PFKFB3: variants seen among roughly 807,000 people sequenced by gnomAD.
PFKFB3 encodes 6-phosphofructo-2-kinase/fructose-2,6-biphosphatase 3.
A neutral mutation model predicts 68.0 loss-of-function variants in PFKFB3; 33 were observed. The ratio of observed to expected loss-of-function variants is 0.49; its 90% CI spans 0.37 to 0.65. The LOEUF is 0.65. Ranked by LOEUF, PFKFB3 falls within the 30% of genes least tolerant of loss-of-function variation. The pLI, the probability that PFKFB3 is intolerant of heterozygous loss-of-function variation, is 0.00. For synonymous variants in PFKFB3, 315 were observed against 288.2 expected, an observed-to-expected ratio of 1.09 and a Z score of -0.94; for missense variants, 586 against 712.2, an observed-to-expected ratio of 0.82 and a Z score of 2.02.
At chr10:6,231,855 ACCT>A (rs1428028644) in intron 14 of PFKFB3, among the ~76,000 whole-genome samples, 1 of 144,692 alleles carries the variant, frequency 6.9e-6, no homozygotes, top group African/African-American at 2.6e-5. Context: ...GGCACCCATC[ACCT>A]CCTGGCGGGC....
chr10:6,267,326 C>T, the PFKFB3 span, among the ~76,000 whole-genome samples: 4 of 152,224 alleles, frequency 2.6e-5, no homozygotes, highest in East Asian at 1.9e-4. Context: ...CCTGGACGTA[C>T]GTACTAATGA....
In PFKFB3 at chr10:6,229,697, G is replaced by T. The variant is rs557685875; in HGVS notation, c.1516-3198G>T. 3.9e-4 allele frequency among the ~76,000 whole-genome samples: 59 copies of T among 152,276 alleles called. No individual in the cohort carries two copies. The highest frequency in any genetic ancestry group is 3.9e-3 in the Admixed American group (59 of 15,290). Reference sequence around the variant, plus strand: ...CCTTGTGTGAAACTTTTTGGACTTGGAGCCTGAAGGTTTTACATCTGTGCA... The same window carrying T: ...CCTTGTGTGAAACTTTTTGGACTTGTAGCCTGAAGGTTTTACATCTGTGCA... On this transcript the variant is annotated intron_variant, in intron 14 of 14. Coordinates refer to ENST00000379775, the MANE Select transcript of PFKFB3 (RefSeq NM_004566.4). The surrounding 1 kb of genome is among the most constrained non-coding windows in gnomAD (Gnocchi z 4.3).
In PFKFB3 at chr10:6,206,398, CCCCT is replaced by C. The variant is rs1464301917; in HGVS notation, c.76+3063_76+3066del. Among the ~76,000 whole-genome samples, 313 of 128,926 alleles carry C rather than the reference CCCCT, an allele frequency of 2.4e-3. 3 individuals are homozygous for C. Among genetic ancestry groups the C allele is most frequent in the South Asian group, 4.9e-3 (19 of 3,880 alleles). 84.6% of individuals were successfully genotyped at this position (128,926 alleles called of 152,430 possible). ...CATCCGATTTCTCAATCTTTCCCCG[CCCCT>C]TTCCCCCCTTTCTATTCCACAAAAC... On this transcript the variant is annotated intron_variant, in intron 1 of 14. Transcript: ENST00000379775.
chr10:6,302,100 G>T, the PFKFB3 span, among the ~76,000 whole-genome samples: 11 of 151,374 alleles, frequency 7.3e-5, no homozygotes, highest in South Asian at 2.1e-3. Context: ...TGTCACCCAG[G>T]CTGGAGTGCA....
chr10:6,262,348 A>G, the PFKFB3 span, among the ~76,000 whole-genome samples: 176 of 117,476 alleles, frequency 1.5e-3, 1 homozygote, highest in Non-Finnish European at 9.1e-4. Context: ...CAGCTGCTCC[A>G]GAGGCTGAGG....
Position 6,248,068 on chromosome 10 carries a change from T to C in PFKFB3, c.1516-6110T>C, listed in dbSNP as rs559663219. On this transcript the variant is annotated intron_variant, in intron 14 of 14. Coordinates refer to the PFKFB3 transcript ENST00000640683. The stretch of plus-strand genomic sequence containing the variant: ...CAATGCCTTTGTTATTTTCCTGGAC[T>C]CACCTTGGATTGGAGAAAAGTTAAT... Among the ~76,000 whole-genome samples the C allele has an allele frequency of 3.3e-5, 5 of 152,298 alleles. No individual in the cohort carries two copies. The South Asian group carries it at 8.3e-4, about 25-fold the overall frequency.
intron 1 of PFKFB3, chr10:6,145,093 G>A: frequency 3.4e-6 from 4 of 1,164,162 alleles, no homozygotes; most frequent in Non-Finnish European, 4.4e-6. Context: ...CCGAGCCTTG[G>A]GTCCTCGCCA....
At chr10:6,235,611 G>A (rs1339500960), downstream of PFKFB3, 1 of 152,286 alleles carries the variant, frequency 6.6e-6, no homozygotes, top group African/African-American at 2.4e-5. Flanking sequence ...GCGCCACGGA[G>A]CTGCCAACTC....
intron 1 of PFKFB3, among the ~76,000 whole-genome samples, chr10:6,196,854 C>T (rs1207316713): frequency 6.6e-6 from 1 of 152,084 alleles, no homozygotes; most frequent in Non-Finnish European, 1.5e-5. Flanking sequence ...GTTGCCCAGG[C>T]TGGTCTCAAA....
chr10:6,286,955 C>G, the PFKFB3 span, among the ~76,000 whole-genome samples: 1 of 152,136 alleles, frequency 6.6e-6, no homozygotes, highest in African/African-American at 2.4e-5. Flanking sequence ...TACAACTAAT[C>G]TAGTTTTACT....
At chr10:6,198,173 G>C (rs192798152), upstream of PFKFB3, among the ~76,000 whole-genome samples, 5 of 150,876 alleles carry the variant, frequency 3.3e-5, no homozygotes, top group East Asian at 9.8e-4. Context: ...TTGAACCTGA[G>C]AGGCGGAGGT....
chr10:6,152,618 T>C (rs1452827637), intron 1 of PFKFB3, among the ~76,000 whole-genome samples: 1 of 152,200 alleles, frequency 6.6e-6, no homozygotes, highest in African/African-American at 2.4e-5. Context: ...GGCACACACC[T>C]GCAGCCCCAG....
the PFKFB3 span, among the ~76,000 whole-genome samples, chr10:6,311,583 T>C: frequency 6.6e-6 from 1 of 151,974 alleles, no homozygotes; most frequent in East Asian, 1.9e-4. Context: ...ACCCCGTCTA[T>C]ACTAAAAATA....
At position 6,224,135 on chromosome 10, in the gene PFKFB3, C is replaced by T. The variant is rs1235961319; in HGVS notation, c.1277-14C>T. 3.1e-6 allele frequency: 5 copies of T among 1,614,020 alleles called. No homozygotes were observed. Among genetic ancestry groups the T allele is most frequent in the Non-Finnish European group, 4.2e-6 (5 of 1,179,956 alleles). On this transcript the variant is annotated splice_polypyrimidine_tract_variant and intron_variant, in intron 12 of 14. Coordinates refer to ENST00000379775, the MANE Select transcript of PFKFB3 (RefSeq NM_004566.4). ...TAACAGCAGCTTCCTCTGCCCCCATCCCACGCCCTCCAGGCTGCCGTGTGG... is the reference window on the plus strand; with the variant it reads ...TAACAGCAGCTTCCTCTGCCCCCATTCCACGCCCTCCAGGCTGCCGTGTGG...
chr10:6,240,319 C>T (rs189675092), downstream of PFKFB3, among the ~76,000 whole-genome samples: 11 of 152,196 alleles, frequency 7.2e-5, no homozygotes, highest in South Asian at 2.1e-4. Flanking sequence ...GGCTGGACTG[C>T]GGTGGCACTA....
downstream of PFKFB3, among the ~76,000 whole-genome samples, chr10:6,238,590 A>G (rs1846076609): frequency 6.6e-6 from 1 of 150,658 alleles, no homozygotes; most frequent in African/African-American, 2.5e-5. Context: ...TCAGAGGTAC[A>G]TGTGCAGGAT....
the PFKFB3 span, chr10:6,293,616 G>C: frequency 4.4e-6 from 1 of 225,228 alleles, no homozygotes; most frequent in East Asian, 1.3e-4. Context: ...AAAGTGCTGG[G>C]ATTACAGGCG....
At chr10:6,259,774 G>A in the PFKFB3 span, among the ~76,000 whole-genome samples, 1 of 152,300 alleles carries the variant, frequency 6.6e-6, no homozygotes, top group East Asian at 1.9e-4. Flanking sequence ...GCCTTTACCT[G>A]CAGTTTTTGA....
At chr10:6,188,123 GC>G (rs1444894860) in intron 1 of PFKFB3, among the ~76,000 whole-genome samples, 9 of 151,774 alleles carry the variant, frequency 5.9e-5, no homozygotes, top group Admixed American at 5.9e-4. Context: ...GTCGTGCCCA[GC>G]CCCTATTTTT....
Sources: gnomAD v4.1 joint callset for allele counts (sites outside exome capture counted in the v4.1 genomes callset) on GRCh38, gnomAD v4.1.1 for gene constraint, Gnocchi (gnomAD v3.1) non-coding constraint, MANE v1.5 for transcripts, NCBI Gene and HGNC (gene_info 2026-07-23, HGNC 2026-07-21) for gene names.